The following PCDHA2 variants were observed in gnomAD, a reference collection of about 807,000 sequenced individuals.
PCDHA2 encodes the protein protocadherin alpha 2.
A neutral mutation model predicts 66.0 loss-of-function variants in PCDHA2; 58 were observed. The ratio of observed to expected loss-of-function variants is 0.88; its 90% CI spans 0.71 to 1.09. PCDHA2 has a LOEUF of 1.09. PCDHA2 is among the 50% of genes least tolerant of loss of function. The probability of loss-of-function intolerance (pLI) is 0.00; values close to 1 mark genes in which losing one functional copy is unlikely to be tolerated. For synonymous variants in PCDHA2, 634 were observed against 554.0 expected, an observed-to-expected ratio of 1.14 and a Z score of -2.03; for missense variants, 1,267 against 1,242.3, an observed-to-expected ratio of 1.02 and a Z score of -0.30.
intron 1 of PCDHA2, among the ~76,000 whole-genome samples, chr5:140,946,631 T>TATACATACAC (rs57893927): frequency 7.6e-6 from 1 of 131,846 alleles, no homozygotes; most frequent in Non-Finnish European, 1.5e-5. Context: ...TATATATATA[T>TATACATACAC]ACAATGGAAT....
intron 1 of PCDHA2, chr5:140,836,574 G>A (rs2150264470): frequency 1.9e-6 from 3 of 1,613,706 alleles, no homozygotes; most frequent in East Asian, 4.5e-5. Flanking sequence ...CTCTGAGGGC[G>A]CATGTAGTTT....
chr5:140,998,446 T>C (rs1266567801), intron 3 of PCDHA2, among the ~76,000 whole-genome samples: 1 of 152,248 alleles, frequency 6.6e-6, no homozygotes, highest in African/African-American at 2.4e-5. Flanking sequence ...TTATTGTATT[T>C]ATTCATTTAC....
Position 140,857,776 on chromosome 5 carries a change from CAGTG to C in PCDHA2, c.2388+60427_2388+60430del, listed in dbSNP as rs1342226765. ...CCGCTGGCAGCGCGGGCGGTGCAGTCAGTGAGCTGGTGCTGCGGTCGGTGGTTGC... is the reference window on the plus strand; with the variant it reads ...CCGCTGGCAGCGCGGGCGGTGCAGTCAGCTGGTGCTGCGGTCGGTGGTTGC... On this transcript the variant is annotated intron_variant, in intron 1 of 3. Coordinates refer to ENST00000526136, the MANE Select transcript of PCDHA2 (RefSeq NM_018905.3). 21 of 1,597,526 alleles carry C rather than the reference CAGTG, an allele frequency of 1.3e-5. No homozygotes were observed. In the Admixed American group the frequency reaches 3.4e-4, roughly 26 times the overall value.
intron 1 of PCDHA2, among the ~76,000 whole-genome samples, chr5:140,965,292 C>T (rs1305794672): frequency 6.6e-6 from 1 of 152,152 alleles, no homozygotes; most frequent in Non-Finnish European, 1.5e-5. Flanking sequence ...GAAAGATTTC[C>T]TCTGATCCTT....
intron 1 of PCDHA2, chr5:140,875,542 T>G: frequency 6.2e-7 from 1 of 1,614,134 alleles, no homozygotes. Context: ...CCTTGCAGCC[T>G]GGGAGGTGGG....
chr5:140,937,776 G>A (rs1350103217), intron 1 of PCDHA2, among the ~76,000 whole-genome samples: 1 of 151,292 alleles, frequency 6.6e-6, no homozygotes, highest in Non-Finnish European at 1.5e-5. Context: ...GTCGGGCGTG[G>A]TGGCGGGCGT....
chr5:140,823,029 G>C (rs2150121512), intron 1 of PCDHA2: 2 of 1,614,104 alleles, frequency 1.2e-6, no homozygotes, highest in African/African-American at 1.3e-5. Context: ...AGAGCGTGTC[G>C]GTCTATGAGC....
At chr5:140,883,971 C>G in intron 1 of PCDHA2, 1 of 1,613,030 alleles carries the variant, frequency 6.2e-7, no homozygotes. Context: ...CTGCTGACGC[C>G]CGGGGCTGGC....
At chr5:140,828,556 G>A in intron 1 of PCDHA2, 1 of 1,614,252 alleles carries the variant, frequency 6.2e-7, no homozygotes. Context: ...TTCCACTGGA[G>A]GGCGCGTCCG....
chr5:140,928,592 T>G (rs781970359), intron 1 of PCDHA2: 1 of 1,614,178 alleles, frequency 6.2e-7, no homozygotes, highest in Non-Finnish European at 8.5e-7. Context: ...TCTGTCCCAG[T>G]GGAAATTGTG....
At chr5:141,003,245 A>T (rs1554258962) in intron 3 of PCDHA2, among the ~76,000 whole-genome samples, 1 of 152,216 alleles carries the variant, frequency 6.6e-6, no homozygotes, top group African/African-American at 2.4e-5. Context: ...TTTGCCAAAA[A>T]GATTCCTGGG....
In PCDHA2 at chr5:140,822,755, TC is replaced by T; in HGVS notation, c.2388+25406del. 3.7e-6 allele frequency: 6 copies of T among 1,613,922 alleles called. No individual in the cohort carries two copies. In the South Asian group the frequency reaches 6.6e-5, roughly 18 times the overall value. ...ATTGATGCCATGGATAAAAGTACAT[TC>T]CCATTATCAGGACACTGTAAAGTAG... On this transcript the variant is annotated intron_variant, in intron 1 of 3. Transcript: ENST00000526136.
intron 1 of PCDHA2, chr5:140,875,323 A>G: frequency 2.1e-6 from 3 of 1,427,940 alleles, no homozygotes; most frequent in South Asian, 3.2e-5. Flanking sequence ...CCAATCATTC[A>G]CGGAATAGGA....
At chr5:140,875,251 A>T in intron 1 of PCDHA2, 1 of 1,029,376 alleles carries the variant, frequency 9.7e-7, no homozygotes. Context: ...ATAATCAGTC[A>T]CATGATGTCG....
At chr5:140,830,772 A>G in intron 1 of PCDHA2, 1 of 169,878 alleles carries the variant, frequency 5.9e-6, no homozygotes, top group Non-Finnish European at 1.2e-5. Flanking sequence ...GAATCATAGT[A>G]GCATTTTTTT....
At chr5:140,828,910 G>T (rs2150160654) in intron 1 of PCDHA2, 1 of 1,613,410 alleles carries the variant, frequency 6.2e-7, no homozygotes, top group African/African-American at 1.3e-5. Context: ...ATGAAGGAGC[G>T]AATGGGGCAA....
At chr5:140,946,588 A>G (rs2093966025) in intron 1 of PCDHA2, among the ~76,000 whole-genome samples, 1 of 147,134 alleles carries the variant, frequency 6.8e-6, no homozygotes, top group South Asian at 2.1e-4. Context: ...TTCATAGTGG[A>G]TGAATAGATA....
chr5:140,850,233 A>C lies in PCDHA2; in HGVS notation c.2388+52881A>C, dbSNP rs2150474794. The C allele has an allele frequency of 2.5e-6, 4 of 1,593,908 alleles. No individual in the cohort carries two copies. In the South Asian group the frequency reaches 4.4e-5, roughly 18 times the overall value. On this transcript the variant is annotated intron_variant, in intron 1 of 3. Transcript: ENST00000526136. The stretch of plus-strand genomic sequence containing the variant: ...GGGCACTGACGGCGCAGTGAGCGAG[A>C]TGGTGCTGCGGTCGGTGGGCGCCGG...
chr5:140,912,322 G>A (rs1050946341), intron 1 of PCDHA2, among the ~76,000 whole-genome samples: 10 of 149,938 alleles, frequency 6.7e-5, no homozygotes, highest in African/African-American at 1.7e-4. Flanking sequence ...TTGACCCTCA[G>A]TATTAACCAG....
Sources: allele counts gnomAD v4.1 joint callset (sites outside exome capture counted in the v4.1 genomes callset), GRCh38; gene constraint gnomAD v4.1.1; transcripts MANE v1.5; gene names NCBI Gene and HGNC (gene_info 2026-07-23, HGNC 2026-07-21).